The following NXPE2 variants were observed in gnomAD, a reference collection of about 807,000 sequenced individuals.
NXPE2 encodes NXPE family member 2.
Under a neutral mutation model 34.4 loss-of-function variants are expected in NXPE2, and 34 were observed. That is an observed-to-expected ratio of 0.99 (90% CI 0.75 to 1.31). NXPE2 has a LOEUF of 1.31. Among genes scored for constraint, NXPE2 ranks in the 40% most tolerant of loss-of-function variants. NXPE2 has a pLI of 0.00. For missense variants in NXPE2, 649 were observed against 672.5 expected (o/e 0.97, Z 0.39); for synonymous variants, 235 against 231.3 (o/e 1.02, Z -0.15).
chr11:114,598,342 A>G, the NXPE2 span, among the ~76,000 whole-genome samples: 15 of 46,374 alleles, frequency 3.2e-4, no homozygotes, highest in Non-Finnish European at 5.8e-4. Flanking sequence ...CTGCCAGTGT[A>G]TCTACCATTC....
the NXPE2 span, among the ~76,000 whole-genome samples, chr11:114,768,792 T>C: frequency 7.0e-4 from 106 of 152,272 alleles, 1 homozygote; most frequent in African/African-American, 2.4e-3. Context: ...GCTTATCAGC[T>C]TAAGGAGATT....
At chr11:114,624,211 C>T in the NXPE2 span, among the ~76,000 whole-genome samples, 1 of 151,924 alleles carries the variant, frequency 6.6e-6, no homozygotes, top group African/African-American at 2.4e-5. Flanking sequence ...CCACTGTTAC[C>T]TGGTGGATGA....
At chr11:114,638,293 G>T in the NXPE2 span, among the ~76,000 whole-genome samples, 2 of 151,724 alleles carry the variant, frequency 1.3e-5, no homozygotes, top group African/African-American at 4.8e-5. Flanking sequence ...TGTAGTTCTC[G>T]AGCCTTGGTT....
At chr11:114,590,946 T>C in the NXPE2 span, among the ~76,000 whole-genome samples, 1 of 152,180 alleles carries the variant, frequency 6.6e-6, no homozygotes, top group Non-Finnish European at 1.5e-5. Context: ...TGTTAAAAAC[T>C]TGTTCTTGCC....
the NXPE2 span, among the ~76,000 whole-genome samples, chr11:114,525,580 A>G: frequency 6.6e-6 from 1 of 151,960 alleles, no homozygotes; most frequent in Non-Finnish European, 1.5e-5. Context: ...CCCCCTTACT[A>G]TTCTTAAAAT....
intron 2 of NXPE2, among the ~76,000 whole-genome samples, chr11:114,696,806 C>T (rs2135557519): frequency 6.6e-6 from 1 of 152,244 alleles, no homozygotes; most frequent in African/African-American, 2.4e-5. Context: ...TGAATATGAC[C>T]TACAGTAGTC....
the NXPE2 span, among the ~76,000 whole-genome samples, chr11:114,651,549 C>T: frequency 6.6e-6 from 1 of 152,212 alleles, no homozygotes; most frequent in Non-Finnish European, 1.5e-5. Flanking sequence ...ATTGCCACTG[C>T]TGGCTTTGCT....
upstream of NXPE2, among the ~76,000 whole-genome samples, chr11:114,676,933 A>G (rs1355085871): frequency 6.6e-6 from 1 of 152,186 alleles, no homozygotes; most frequent in Non-Finnish European, 1.5e-5. Flanking sequence ...GCTCAGCCTT[A>G]AAAAAGAAGG....
chr11:114,546,071 A>G, the NXPE2 span, among the ~76,000 whole-genome samples: 1 of 152,212 alleles, frequency 6.6e-6, no homozygotes, highest in African/African-American at 2.4e-5. Context: ...TTTTAACTGT[A>G]TTACAAATTT....
At chr11:114,494,894 T>A in the NXPE2 span, among the ~76,000 whole-genome samples, 2 of 152,192 alleles carry the variant, frequency 1.3e-5, no homozygotes, top group African/African-American at 4.8e-5. Flanking sequence ...GATGTAAGTC[T>A]TTGGTCACTG....
chr11:114,811,307 C>G, the NXPE2 span, among the ~76,000 whole-genome samples: 1 of 150,656 alleles, frequency 6.6e-6, no homozygotes, highest in African/African-American at 2.4e-5. Context: ...GCACGTTGTG[C>G]ACATGTACCC....
chr11:114,719,726 T>G, the NXPE2 span, among the ~76,000 whole-genome samples: 1 of 152,216 alleles, frequency 6.6e-6, no homozygotes. Flanking sequence ...CCACAGGGCA[T>G]GCGGCTCCTC....
chr11:114,549,049 T>C, the NXPE2 span, among the ~76,000 whole-genome samples: 8 of 151,810 alleles, frequency 5.3e-5, no homozygotes, highest in Non-Finnish European at 1.2e-4. Flanking sequence ...AGAATCTAGA[T>C]AAAATGGATA....
At chr11:114,786,877 GCC>G in the NXPE2 span, among the ~76,000 whole-genome samples, 1 of 152,198 alleles carries the variant, frequency 6.6e-6, no homozygotes, top group African/African-American at 2.4e-5. Context: ...CACACATACA[GCC>G]TCACACACTG....
the NXPE2 span, among the ~76,000 whole-genome samples, chr11:114,671,209 A>G: frequency 6.6e-6 from 1 of 151,354 alleles, no homozygotes; most frequent in African/African-American, 2.4e-5. Context: ...AGAATCAGCA[A>G]ACTTGAAGGT....
the NXPE2 span, among the ~76,000 whole-genome samples, chr11:114,627,346 G>A: frequency 1.3e-5 from 2 of 152,072 alleles, no homozygotes; most frequent in Admixed American, 6.5e-5. Context: ...CAAGCCAGAA[G>A]AGAGTGGGGA....
At chr11:114,539,596 A>C in the NXPE2 span, among the ~76,000 whole-genome samples, 1 of 152,332 alleles carries the variant, frequency 6.6e-6, no homozygotes, top group South Asian at 2.1e-4. Flanking sequence ...TCTCAAAAAA[A>C]ATTAAAAATT....
the NXPE2 span, among the ~76,000 whole-genome samples, chr11:114,562,852 A>G: frequency 6.6e-6 from 1 of 152,212 alleles, no homozygotes; most frequent in Non-Finnish European, 1.5e-5. Flanking sequence ...CTATTTTCTT[A>G]GAGATGCTTG....
the NXPE2 span, among the ~76,000 whole-genome samples, chr11:114,470,391 A>G: frequency 2.0e-5 from 3 of 152,156 alleles, no homozygotes; most frequent in Non-Finnish European, 2.9e-5. Flanking sequence ...AGACATTTAA[A>G]TAGGTGTATA....
Sources: allele counts gnomAD v4.1 joint callset (sites outside exome capture counted in the v4.1 genomes callset), GRCh38; gene constraint gnomAD v4.1.1; transcripts MANE v1.5; gene names NCBI Gene and HGNC (gene_info 2026-07-23, HGNC 2026-07-21).